Variants in AHR observed in about 807,000 individuals in gnomAD.
AHR encodes the protein aryl hydrocarbon receptor.
Under a neutral mutation model 86.8 loss-of-function variants are expected in AHR, and 40 were observed. The observed-to-expected ratio is 0.46, with a 90% confidence interval of 0.36 to 0.60. The LOEUF (loss-of-function observed/expected upper bound fraction) is 0.60, where lower values mean the gene tolerates loss of function less well. Among genes scored for constraint, AHR ranks in the 20% least tolerant of loss-of-function variants. AHR has a pLI of 0.00. For missense variants in AHR, 1,001 were observed against 1,011.6 expected (o/e 0.99, Z 0.14); for synonymous variants, 398 against 354.9 (o/e 1.12, Z -1.37).
intron 1 of AHR, among the ~76,000 whole-genome samples, chr7:17,301,997 T>A (rs1293292833): frequency 6.6e-6 from 1 of 151,984 alleles, no homozygotes; most frequent in African/African-American, 2.4e-5. Flanking sequence ...TTATTCTCTT[T>A]GGAAATGAAA....
At chr7:17,326,592 A>C (rs1782232881) in intron 3 of AHR, among the ~76,000 whole-genome samples, 1 of 152,168 alleles carries the variant, frequency 6.6e-6, no homozygotes, top group South Asian at 2.1e-4. Flanking sequence ...GTACCTTATT[A>C]CACTGAGTGC....
chr7:17,321,131 C>T (rs889516137), intron 2 of AHR, among the ~76,000 whole-genome samples: 11 of 152,064 alleles, frequency 7.2e-5, no homozygotes, highest in African/African-American at 2.7e-4. Flanking sequence ...CTGCCAGAGT[C>T]AGTTTTATTT....
rs2115364011 is a variant in AHR, at chr7:17,329,972, T to C, written c.471T>C (p.Ser157=). Reference sequence around the variant, plus strand: ...TTTAGTCTGATGTCATACATCAGAGTGTATATGAACTTATCCATACCGAAG... The same window carrying C: ...TTTAGTCTGATGTCATACATCAGAGCGTATATGAACTTATCCATACCGAAG... ...GFQQSDVIHQ[S]VYELIHTEDR... Residue 157 remains serine, a synonymous_variant, in exon 5 of 11, where the codon AGT becomes AGC. Transcript: ENST00000242057. 6 of 1,609,650 alleles carry C rather than the reference T, an allele frequency of 3.7e-6. No individual in the cohort carries two copies. Among genetic ancestry groups the C allele is most frequent in the Non-Finnish European group, 5.1e-6 (6 of 1,177,374 alleles).
At chr7:17,329,865 C>A (rs529823408) in intron 4 of AHR, 87 bp from the exon 5 acceptor site, 26 of 1,195,034 alleles carry the variant, frequency 2.2e-5, no homozygotes, top group Admixed American at 2.0e-4. Context: ...TAGCAAGCAC[C>A]CACTAATCTA....
At chr7:17,325,525 A>G (rs1475963716) in intron 3 of AHR, among the ~76,000 whole-genome samples, 3 of 152,212 alleles carry the variant, frequency 2.0e-5, no homozygotes, top group Admixed American at 1.3e-4. Flanking sequence ...TGAATGTGTT[A>G]GTCATTAACT....
intron 10 of AHR, among the ~76,000 whole-genome samples, chr7:17,341,505 C>T (rs767520245): frequency 6.6e-6 from 1 of 151,986 alleles, no homozygotes; most frequent in African/African-American, 2.4e-5. Flanking sequence ...TTGTAAATAA[C>T]CAAATAATTC....
chr7:17,317,414 A>G (rs1375725224), intron 2 of AHR, among the ~76,000 whole-genome samples: 1 of 152,114 alleles, frequency 6.6e-6, no homozygotes, highest in East Asian at 1.9e-4. Flanking sequence ...ATACATGTCA[A>G]ATTTTCTGTT....
chr7:17,338,963 G>T, intron 9 of AHR, 23 bp from the exon 10 acceptor site: 10 of 1,508,280 alleles, frequency 6.6e-6, no homozygotes, highest in African/African-American at 1.4e-5. Context: ...TTTTTTCTAA[G>T]ACTTTTTTGT....
At chr7:17,312,141 G>C (rs894347274) in intron 2 of AHR, among the ~76,000 whole-genome samples, 1 of 152,190 alleles carries the variant, frequency 6.6e-6, no homozygotes, top group African/African-American at 2.4e-5. Flanking sequence ...ACGGAATGCT[G>C]TCCTGATCCC....
chr7:17,327,892 A>G, intron 4 of AHR, 44 bp downstream of exon 4: 1 of 867,254 alleles, frequency 1.2e-6, no homozygotes, highest in East Asian at 3.8e-5. Context: ...TATATCATTT[A>G]CTTTTTATAT....
In AHR at chr7:17,339,549, T is replaced by G. The variant is rs773628794; in HGVS notation, c.1724T>G (p.Ile575Ser). ...TCTGGTGAGGTTGACTTCAGAGACA[T>G]TGACTTAACGGATGAAATCCTGACG... is the stretch of plus-strand genomic sequence containing the variant. Reference protein sequence around the residue: ...DFSGEVDFRDIDLTDEILTYV... With the variant: ...DFSGEVDFRDSDLTDEILTYV... Residue 575 changes from isoleucine to serine, a missense_variant, in exon 10 of 11, where the codon ATT becomes AGT. By Grantham distance (142) the Ile-to-Ser change is moderately radical (BLOSUM62 -2). Transcript: ENST00000242057. The G allele has an allele frequency of 1.9e-6, 3 of 1,614,100 alleles. No individual in the cohort carries two copies. Among genetic ancestry groups the G allele is most frequent in the Non-Finnish European group, 2.5e-6 (3 of 1,180,050 alleles).
intron 3 of AHR, 132 bp downstream of exon 3, chr7:17,322,739 G>C: frequency 1.6e-6 from 1 of 631,582 alleles, no homozygotes; most frequent in Non-Finnish European, 2.8e-6. Flanking sequence ...TCTGAACTGC[G>C]ATAGTGAATG....
intron 1 of AHR, among the ~76,000 whole-genome samples, 159 bp from the exon 2 acceptor site, chr7:17,309,777 G>A (rs929203327): frequency 6.6e-6 from 1 of 152,168 alleles, no homozygotes; most frequent in Non-Finnish European, 1.5e-5. Context: ...TTTTTCTTAA[G>A]ATGTGAAAGG....
At chr7:17,315,052 C>T (rs569632276) in intron 2 of AHR, among the ~76,000 whole-genome samples, 1 of 152,098 alleles carries the variant, frequency 6.6e-6, no homozygotes, top group Admixed American at 6.6e-5. Flanking sequence ...ACTCTAATTA[C>T]AATATTCATG....
Position 17,309,922 on chromosome 7 carries a change from T to A in AHR, c.66-14T>A. 6.6e-7 allele frequency: 1 copy of A among 1,524,448 alleles called. No homozygotes were observed. The highest frequency in any genetic ancestry group is 8.9e-7 in the Non-Finnish European group (1 of 1,123,562). 94.4% of individuals were successfully genotyped at this position (1,524,448 alleles called of 1,614,324 possible). Reference sequence around the variant, plus strand: ...TTTTAAAGGATTTTTTATGGTATTTTGTTTGTTTTTCAGAGTAAAGCCAAT... The same window carrying A: ...TTTTAAAGGATTTTTTATGGTATTTAGTTTGTTTTTCAGAGTAAAGCCAAT... On this transcript the variant is annotated splice_polypyrimidine_tract_variant and intron_variant, in intron 1 of 10. Coordinates refer to ENST00000242057, the MANE Select transcript of AHR (RefSeq NM_001621.5).
Position 17,298,873 on chromosome 7 carries a change from G to C in AHR, c.-392G>C. 1 of 398,420 alleles carries C rather than the reference G, an allele frequency of 2.5e-6. No individual in the cohort carries two copies. The highest frequency in any genetic ancestry group is 4.4e-6 in the Non-Finnish European group (1 of 225,988). 24.7% of individuals were successfully genotyped at this position (398,420 alleles called of 1,614,324 possible). On this transcript the variant is annotated 5_prime_UTR_variant, in exon 1 of 11. Coordinates refer to ENST00000242057, the MANE Select transcript of AHR (RefSeq NM_001621.5). ...GGGGCCGCGGCGACGGTCACGGGGCGCGGCGCCACCGTGAGCGACCCAGGC... is the reference window on the plus strand; with the variant it reads ...GGGGCCGCGGCGACGGTCACGGGGCCCGGCGCCACCGTGAGCGACCCAGGC...
At chr7:17,320,219 G>A (rs191591466) in intron 2 of AHR, among the ~76,000 whole-genome samples, 177 of 151,924 alleles carry the variant, frequency 1.2e-3, no homozygotes, top group African/African-American at 3.8e-3. Context: ...TTGTTTTCTA[G>A]TTATTTCCAT....
intron 3 of AHR, among the ~76,000 whole-genome samples, chr7:17,327,545 A>G (rs560297793): frequency 3.9e-5 from 6 of 151,958 alleles, no homozygotes; most frequent in Non-Finnish European, 8.8e-5. Context: ...AGTTATTCTG[A>G]TTGAGCATTA....
chr7:17,344,247 G>C lies in AHR; in HGVS notation c.*1183G>C, dbSNP rs1782458157. Reference sequence around the variant, plus strand: ...ACTATGTGTTTTTCTCATATTTGAGGAGTGTTAAGATTGCAGATAGCAAGG... The same window carrying C: ...ACTATGTGTTTTTCTCATATTTGAGCAGTGTTAAGATTGCAGATAGCAAGG... On this transcript the variant is annotated 3_prime_UTR_variant, in exon 11 of 11. Transcript: ENST00000242057. 2 of 152,782 alleles carry C rather than the reference G, an allele frequency of 1.3e-5. No homozygotes were observed. The highest frequency in any genetic ancestry group is 4.8e-5 in the African/African-American group (2 of 41,446). The allele number at this position is 152,782 out of a possible 1,614,324, so 9.5% of individuals were successfully genotyped here.
Sources: allele counts gnomAD v4.1 joint callset (sites outside exome capture counted in the v4.1 genomes callset), GRCh38; gene constraint gnomAD v4.1.1; transcripts MANE v1.5; gene names NCBI Gene and HGNC (gene_info 2026-07-23, HGNC 2026-07-21).